Variants in SLC12A7 observed in about 807,000 individuals in gnomAD.
The protein encoded by SLC12A7 is solute carrier family 12 member 7, also known as K-Cl cotransporter 4.
SLC12A7 carries 100 observed loss-of-function variants against 120.6 expected under a neutral mutation model. The observed-to-expected ratio is 0.83, with a 90% confidence interval of 0.71 to 0.98. The LOEUF (loss-of-function observed/expected upper bound fraction) is 0.98. Among genes scored for constraint, SLC12A7 ranks in the 50% least tolerant of loss-of-function variants. SLC12A7 has a pLI of 0.00. For missense variants in SLC12A7, 1,373 were observed against 1,548.1 expected (o/e 0.89, Z 1.90); for synonymous variants, 760 against 678.0 (o/e 1.12, Z -1.88).
At position 1,050,749 on chromosome 5, in the gene SLC12A7, T is replaced by C. The variant is rs1031936070; in HGVS notation, c.*1611A>G. 18 of 397,596 alleles carry C rather than the reference T, an allele frequency of 4.5e-5. No individual in the cohort carries two copies. Among genetic ancestry groups the C allele is most frequent in the African/African-American group, 3.1e-4 (15 of 48,634 alleles). The allele number at this position is 397,596 out of a possible 1,614,324, so 24.6% of individuals were successfully genotyped here. A position where few individuals can be genotyped will look rare whatever the true frequency, so the allele number is the denominator to read the frequency against. ...GAGGAGCGTTTTGCTGCTTAACTCATGCTTAGCCAAGGCAGGCAGAGGCTG... is the reference window on the plus strand; with the variant it reads ...GAGGAGCGTTTTGCTGCTTAACTCACGCTTAGCCAAGGCAGGCAGAGGCTG... On this transcript the variant is annotated 3_prime_UTR_variant, in exon 24 of 24. Coordinates refer to ENST00000264930, the MANE Select transcript of SLC12A7 (RefSeq NM_006598.3).
At chr5:1,108,852 C>T (rs1389329729) in intron 1 of SLC12A7, among the ~76,000 whole-genome samples, 5 of 152,264 alleles carry the variant, frequency 3.3e-5, no homozygotes, top group East Asian at 1.9e-4. Flanking sequence ...GCAGGAGGGA[C>T]GGGCAGGCCA....
chr5:1,121,373 G>A, the SLC12A7 span, among the ~76,000 whole-genome samples: 4 of 152,220 alleles, frequency 2.6e-5, no homozygotes, highest in African/African-American at 9.7e-5. Flanking sequence ...AGGCCCACGG[G>A]AAAGCTCATG....
chr5:1,060,562 C>G (rs1183305695), intron 20 of SLC12A7, 111 bp from the exon 21 acceptor site: 4 of 792,640 alleles, frequency 5.0e-6, no homozygotes, highest in Non-Finnish European at 6.3e-6. Flanking sequence ...GGAAAGGCCA[C>G]GCGTCCCGGG....
chr5:1,148,352 G>A, the SLC12A7 span, among the ~76,000 whole-genome samples: 108 of 151,690 alleles, frequency 7.1e-4, 1 homozygote, highest in African/African-American at 2.4e-3. Flanking sequence ...GACTACAGGC[G>A]CCCACCACCA....
At chr5:1,098,236 ACACCCAGCCCCCC>A (rs1741538622) in intron 1 of SLC12A7, among the ~76,000 whole-genome samples, 1 of 21,664 alleles carries the variant, frequency 4.6e-5, no homozygotes. Flanking sequence ...AACCCTCTGC[ACACCCAGCCCCCC>A]TCTAACCCTC....
At chr5:1,063,347 G>A (rs1736515132) in intron 20 of SLC12A7, among the ~76,000 whole-genome samples, 1 of 152,206 alleles carries the variant, frequency 6.6e-6, no homozygotes. Context: ...AACGGGAGGT[G>A]CTCAGAGGTG....
chr5:1,109,650 G>A (rs1311685900), intron 1 of SLC12A7, among the ~76,000 whole-genome samples: 2 of 151,194 alleles, frequency 1.3e-5, no homozygotes, highest in African/African-American at 4.9e-5. Context: ...AGCCCGGGCA[G>A]CAGCATCTAC....
chr5:1,086,288 T>C (rs1739851882), intron 6 of SLC12A7, among the ~76,000 whole-genome samples: 2 of 152,120 alleles, frequency 1.3e-5, no homozygotes, highest in Admixed American at 6.5e-5. Flanking sequence ...GGGGCTCAGG[T>C]GAGCGTCTCT....
At chr5:1,108,917 G>A (rs1187939211) in intron 1 of SLC12A7, among the ~76,000 whole-genome samples, 6 of 152,148 alleles carry the variant, frequency 3.9e-5, no homozygotes, top group Admixed American at 3.3e-4. Context: ...AGGCAGGACC[G>A]CCCCTGGACA....
chr5:1,068,641 C>T (rs569065529), intron 17 of SLC12A7, among the ~76,000 whole-genome samples: 1 of 152,384 alleles, frequency 6.6e-6, no homozygotes, highest in Non-Finnish European at 1.5e-5. Context: ...TCGCTGAGAG[C>T]AGCGGGGGCA....
chr5:1,056,536 G>C, intron 22 of SLC12A7: 1 of 968,140 alleles, frequency 1.0e-6, no homozygotes. Context: ...AGGCATGCAG[G>C]GCAACCGGGC....
chr5:1,137,555 C>T, the SLC12A7 span, among the ~76,000 whole-genome samples: 2 of 152,280 alleles, frequency 1.3e-5, no homozygotes, highest in African/African-American at 4.8e-5. Context: ...CCTGCCTGGA[C>T]GTCCAGACCC....
intron 9 of SLC12A7, among the ~76,000 whole-genome samples, chr5:1,081,106 GGA>G (rs200055982): frequency 0.13 from 2,785 of 22,140 alleles, 92 homozygotes; most frequent in African/African-American, 0.13. Context: ...AAGGGTAGGG[GGA>G]GAGAGAAAGA....
Position 1,078,004 on chromosome 5 carries a change from G to A in SLC12A7, c.1458C>T (p.Phe486=), listed in dbSNP as rs769490101. ...CCAGGTTCCCCTGCAGGGCCTCCCC[G>A]AACCTGCAGGCAGGCGGGCAGGCGG... ...CIEGVVLRDK[F]GEALQGNLVI... The change falls in exon 12 of 24, where the codon TTC becomes TTT. Residue 486 remains phenylalanine, a synonymous_variant. Transcript: ENST00000264930. 42 of 1,562,336 alleles carry A rather than the reference G, an allele frequency of 2.7e-5. No homozygotes were observed. The highest frequency in any genetic ancestry group is 1.7e-4 in the Middle Eastern group (1 of 5,978).
chr5:1,120,610 A>G, the SLC12A7 span, among the ~76,000 whole-genome samples: 1 of 152,172 alleles, frequency 6.6e-6, no homozygotes, highest in Admixed American at 6.5e-5. Context: ...AGAAACACAC[A>G]GACACTAAGC....
intron 1 of SLC12A7, among the ~76,000 whole-genome samples, chr5:1,109,186 G>A (rs1205883941): frequency 1.3e-5 from 2 of 152,116 alleles, no homozygotes; most frequent in Non-Finnish European, 2.9e-5. Flanking sequence ...CAGACAGGCC[G>A]GGGCACTGGC....
intron 1 of SLC12A7, among the ~76,000 whole-genome samples, chr5:1,099,505 G>GACATCAACCCAGCCCCGAC (rs1741780680): frequency 4.0e-5 from 6 of 151,664 alleles, no homozygotes; most frequent in Non-Finnish European, 7.4e-5. Flanking sequence ...CCGGGGGACG[G>GACATCAACCCAGCCCCGAC]CAGGCATCCT....
At chr5:1,057,402 C>T (rs1735730746) in intron 22 of SLC12A7, 69 bp downstream of exon 22, 2 of 1,492,034 alleles carry the variant, frequency 1.3e-6, no homozygotes, top group African/African-American at 1.4e-5. Context: ...AGGGAAGGGA[C>T]TCTGTCCTCA....
intron 17 of SLC12A7, among the ~76,000 whole-genome samples, chr5:1,073,248 A>T (rs1231348864): frequency 1.3e-5 from 1 of 78,284 alleles, no homozygotes; most frequent in African/African-American, 8.7e-5. Context: ...CACGGGCATC[A>T]CACTTATGCA....
Sources: allele counts gnomAD v4.1 joint callset (sites outside exome capture counted in the v4.1 genomes callset), GRCh38; gene constraint gnomAD v4.1.1; transcripts MANE v1.5; gene names NCBI Gene and HGNC (gene_info 2026-07-23, HGNC 2026-07-21).